The following FOXO1 variants were observed in gnomAD, a reference collection of about 807,000 sequenced individuals.
FOXO1 encodes forkhead box protein O1.
FOXO1 carries 6 observed loss-of-function variants against 44.1 expected under a neutral mutation model. The ratio of observed to expected loss-of-function variants is 0.14; its 90% CI spans 0.07 to 0.27. The LOEUF (loss-of-function observed/expected upper bound fraction) is 0.27. FOXO1 is among the 10% of genes least tolerant of loss of function. The pLI, the probability that FOXO1 is intolerant of heterozygous loss-of-function variation, is 1.00. For missense variants in FOXO1, 737 were observed against 888.8 expected (o/e 0.83, Z 2.17); for synonymous variants, 380 against 362.7 (o/e 1.05, Z -0.54).
intron 1 of FOXO1, among the ~76,000 whole-genome samples, chr13:40,612,981 C>G (rs2137892711): frequency 1.3e-5 from 2 of 152,226 alleles, no homozygotes; most frequent in South Asian, 4.1e-4. Flanking sequence ...AGGAATGACC[C>G]ACAAACTCCA....
At chr13:40,561,709 C>T (rs2137824913) in intron 1 of FOXO1, among the ~76,000 whole-genome samples, 1 of 152,068 alleles carries the variant, frequency 6.6e-6, no homozygotes, top group South Asian at 2.1e-4. Flanking sequence ...TGGTTCACAC[C>T]TATAATCCCA....
intron 1 of FOXO1, among the ~76,000 whole-genome samples, chr13:40,602,021 CAT>C (rs1295617234): frequency 6.6e-6 from 1 of 152,174 alleles, no homozygotes; most frequent in Non-Finnish European, 1.5e-5. Flanking sequence ...AACTACATGA[CAT>C]AGAAAGATTC....
chr13:40,633,595 A>T (rs1026268027), intron 1 of FOXO1, among the ~76,000 whole-genome samples: 4 of 152,204 alleles, frequency 2.6e-5, no homozygotes, highest in African/African-American at 9.7e-5. Flanking sequence ...CAGAGAGTAA[A>T]TGCAGGTTAG....
chr13:40,586,644 T>C (rs1175873129), intron 1 of FOXO1, among the ~76,000 whole-genome samples: 2 of 152,208 alleles, frequency 1.3e-5, no homozygotes, highest in African/African-American at 4.8e-5. Context: ...CAAGTAACTT[T>C]TGAGCAAGTT....
In FOXO1 at chr13:40,560,647, C is replaced by T; in HGVS notation, c.844G>A (p.Glu282Lys). The change falls in exon 2 of 3, where the codon GAG (glutamate) becomes AAG (lysine). Residue 282 changes from glutamate to lysine, a missense_variant. This residue lies in a region of FOXO1 where 136 missense variants were observed against 186.4 expected (regional missense o/e 0.73). Transcript: ENST00000379561. The surrounding 1 kb of genome is among the most constrained non-coding windows in gnomAD (Gnocchi z 5.1). ...GATCCAGGGCTGTCCCCAGCACCCT[C>T]CTGGCCAGACTGGAGAGATGCTTTC... ...KKKASLQSGQ[E>K]GAGDSPGSQF... is the part of the protein sequence containing the mutation. 2 of 1,614,222 alleles carry T rather than the reference C, an allele frequency of 1.2e-6. No individual in the cohort carries two copies. Among genetic ancestry groups the T allele is most frequent in the East Asian group, 4.5e-5 (2 of 44,884 alleles).
intron 1 of FOXO1, chr13:40,621,068 G>A (rs933689907): frequency 9.5e-6 from 2 of 211,022 alleles, no homozygotes; most frequent in African/African-American, 2.3e-5. Context: ...AAAGTGCTAG[G>A]ATTACAGGCA....
chr13:40,646,261 C>T (rs987282618), intron 1 of FOXO1, among the ~76,000 whole-genome samples: 4 of 144,976 alleles, frequency 2.8e-5, no homozygotes, highest in Admixed American at 2.1e-4. Flanking sequence ...TTGTGGTTTT[C>T]TTTTTTAAAG....
At position 40,666,071 on chromosome 13, in the gene FOXO1, CGCTGCCCGACGGCGCCGG is replaced by C; in HGVS notation, c.124_141del (p.Pro42_Ser47del). On this transcript the variant is annotated inframe_deletion, in exon 1 of 3. Coordinates refer to ENST00000379561, the MANE Select transcript of FOXO1 (RefSeq NM_002015.4). Reference sequence around the variant, plus strand: ...GCCGCGGCGTCGGGGTTGGCAGCCGCGCTGCCCGACGGCGCCGGGCTGGAGGTGGCCGAGTTGGACTGG... The same window carrying C: ...GCCGCGGCGTCGGGGTTGGCAGCCGCGCTGGAGGTGGCCGAGTTGGACTGG... The C allele has an allele frequency of 7.5e-7, 1 of 1,328,598 alleles. No individual in the cohort carries two copies. The highest frequency in any genetic ancestry group is 1.9e-5 in the South Asian group (1 of 51,560). 82.3% of individuals were successfully genotyped at this position (1,328,598 alleles called of 1,614,324 possible). A position where few individuals can be genotyped will look rare whatever the true frequency, so the allele number is the denominator to read the frequency against.
At chr13:40,652,325 G>T (rs1001946715) in intron 1 of FOXO1, among the ~76,000 whole-genome samples, 1 of 142,540 alleles carries the variant, frequency 7.0e-6, no homozygotes. Flanking sequence ...AGTCTCTGTC[G>T]CCCAGGCTGG....
chr13:40,661,174 C>A (rs1167804962), intron 1 of FOXO1, among the ~76,000 whole-genome samples: 1 of 152,156 alleles, frequency 6.6e-6, no homozygotes, highest in Non-Finnish European at 1.5e-5. Context: ...TAACTTTCAG[C>A]CCTTAATAAG....
chr13:40,644,689 A>G (rs1306164197), intron 1 of FOXO1, among the ~76,000 whole-genome samples: 2 of 152,204 alleles, frequency 1.3e-5, no homozygotes, highest in African/African-American at 4.8e-5. Context: ...CTCTCAACAT[A>G]TAAAATGTCT....
intron 1 of FOXO1, among the ~76,000 whole-genome samples, chr13:40,578,590 A>G (rs1279846094): frequency 6.6e-6 from 1 of 152,172 alleles, no homozygotes; most frequent in Non-Finnish European, 1.5e-5. Context: ...GGTCTCCTGT[A>G]GCACCTCCAA....
chr13:40,616,862 GA>G (rs1876439698), intron 1 of FOXO1, among the ~76,000 whole-genome samples: 1 of 152,128 alleles, frequency 6.6e-6, no homozygotes, highest in African/African-American at 2.4e-5. Flanking sequence ...GACAGATGGA[GA>G]AAGGAGCAAG....
intron 1 of FOXO1, among the ~76,000 whole-genome samples, chr13:40,629,774 C>G (rs1002344004): frequency 6.6e-6 from 1 of 152,164 alleles, no homozygotes; most frequent in Non-Finnish European, 1.5e-5. Flanking sequence ...GCTTCACATG[C>G]TCAGTGGGTT....
chr13:40,569,109 A>G (rs1057436310), intron 1 of FOXO1, among the ~76,000 whole-genome samples: 3 of 152,226 alleles, frequency 2.0e-5, no homozygotes, highest in African/African-American at 7.2e-5. Flanking sequence ...CAGTCATTCC[A>G]AAGGAAGGGA....
rs546431352 is a variant in FOXO1 at position 40,634,463 on chromosome 13, T to C, written c.630+31120A>G. Among the ~76,000 whole-genome samples the C allele has an allele frequency of 5.9e-5, 9 of 152,270 alleles. 1 individual carries two copies. The highest frequency in any genetic ancestry group is 2.2e-4 in the African/African-American group (9 of 41,562). On this transcript the variant is annotated intron_variant, in intron 1 of 2. Coordinates refer to ENST00000379561, the MANE Select transcript of FOXO1 (RefSeq NM_002015.4). ...CACACAATTTAAGTCACTCCAAGTG[T>C]ATTAGTAAGAAAAGTGAGCTAGGGC...
chr13:40,585,500 C>T (rs1875130748), intron 1 of FOXO1, among the ~76,000 whole-genome samples: 2 of 152,336 alleles, frequency 1.3e-5, no homozygotes, highest in East Asian at 3.9e-4. Context: ...CCAGCTTCAG[C>T]TGTTCCAGCT....
intron 1 of FOXO1, among the ~76,000 whole-genome samples, chr13:40,661,336 C>T (rs1307864727): frequency 6.6e-6 from 1 of 151,820 alleles, no homozygotes; most frequent in South Asian, 2.1e-4. Context: ...AGGTCAGTGA[C>T]GTGATCTCGG....
At chr13:40,561,726 T>C (rs543611079) in intron 1 of FOXO1, among the ~76,000 whole-genome samples, 2 of 152,138 alleles carry the variant, frequency 1.3e-5, no homozygotes, top group South Asian at 2.1e-4. Context: ...CCCAGCACTG[T>C]AGGAGGCCAA....
Sources: allele counts gnomAD v4.1 joint callset (sites outside exome capture counted in the v4.1 genomes callset), GRCh38; gene constraint gnomAD v4.1.1; regional missense constraint gnomAD v4.1.1; non-coding constraint Gnocchi (gnomAD v3.1); transcripts MANE v1.5; gene names NCBI Gene and HGNC (gene_info 2026-07-23, HGNC 2026-07-21).